The following ABCC1 variants were observed in gnomAD, a reference collection of about 807,000 sequenced individuals.
ABCC1 encodes ATP binding cassette subfamily C member 1 (ABCC1 blood group).
Under a neutral mutation model 172.9 loss-of-function variants are expected in ABCC1, and 83 were observed. The observed-to-expected ratio is 0.48, with a 90% confidence interval of 0.40 to 0.58. The LOEUF (loss-of-function observed/expected upper bound fraction) is 0.58. ABCC1 is among the 20% of genes least tolerant of loss of function. The probability of loss-of-function intolerance (pLI) is 0.00; values close to 1 mark genes in which losing one functional copy is unlikely to be tolerated. For missense variants in ABCC1, 1,817 were observed against 2,002.7 expected, an observed-to-expected ratio of 0.91 and a Z score of 1.77; for synonymous variants, 937 against 825.2, an observed-to-expected ratio of 1.14 and a Z score of -2.32.
In ABCC1 at chr16:16,033,083, C is replaced by T. The variant is rs753921642; in HGVS notation, c.616-26C>T. On this transcript the variant is annotated intron_variant, in intron 5 of 30. Coordinates refer to ENST00000399410, the MANE Select transcript of ABCC1 (RefSeq NM_004996.4). ...CAAATCATTCCTTTCCCTCTTCCTC[C>T]CAAACCTGTGCTTTCTTTCCACTAG... 5.6e-6 allele frequency: 9 copies of T among 1,611,926 alleles called. No individual in the cohort carries two copies. In the East Asian group the frequency reaches 1.8e-4, roughly 32 times the overall value.
chr16:16,004,008 GTGGATGGATGAATTGGTGGATGGA>G (rs2047424840), intron 1 of ABCC1, among the ~76,000 whole-genome samples: 1 of 59,800 alleles, frequency 1.7e-5, no homozygotes, highest in South Asian at 4.7e-4. Flanking sequence ...TGGTGGGTGG[GTGGATGGATGAATTGGTGGATGGA>G]TGGATGGATG....
At chr16:16,079,736 A>G (rs1412855396) in intron 16 of ABCC1, among the ~76,000 whole-genome samples, 1 of 151,978 alleles carries the variant, frequency 6.6e-6, no homozygotes, top group Non-Finnish European at 1.5e-5. Flanking sequence ...TGCCCAGTAT[A>G]TAGTAGGCAC....
chr16:16,122,481 C>T (rs1216342524), intron 24 of ABCC1, among the ~76,000 whole-genome samples: 2 of 150,956 alleles, frequency 1.3e-5, no homozygotes, highest in Non-Finnish European at 3.0e-5. Context: ...ACCGACTCTG[C>T]TATTGAGTAT....
chr16:15,969,024 A>G (rs1310973565), intron 1 of ABCC1, among the ~76,000 whole-genome samples: 7 of 152,086 alleles, frequency 4.6e-5, no homozygotes, highest in Non-Finnish European at 4.4e-5. Context: ...GCTGTCCAAC[A>G]TGGTGAAACT....
intron 5 of ABCC1, among the ~76,000 whole-genome samples, chr16:16,027,552 C>T (rs1328194925): frequency 2.0e-5 from 3 of 152,072 alleles, no homozygotes; most frequent in Non-Finnish European, 4.4e-5. Context: ...GTGGTTCATG[C>T]CTATAATCCC....
At chr16:16,053,839 A>C (rs1243141071) in intron 11 of ABCC1, among the ~76,000 whole-genome samples, 1 of 149,634 alleles carries the variant, frequency 6.7e-6, no homozygotes, top group Non-Finnish European at 1.5e-5. Flanking sequence ...AAAGTACATA[A>C]ATTAAAAGGG....
chr16:16,115,133 G>A, intron 23 of ABCC1, 57 bp downstream of exon 23: 1 of 1,535,488 alleles, frequency 6.5e-7, no homozygotes. Context: ...ATATACCAGT[G>A]TTACCTAAAG....
intron 1 of ABCC1, among the ~76,000 whole-genome samples, chr16:15,970,128 T>C (rs917304524): frequency 1.6e-4 from 25 of 152,154 alleles, no homozygotes; most frequent in Non-Finnish European, 3.1e-4. Context: ...ACCCCAAATA[T>C]AGTGGGTTAA....
At chr16:16,097,027 G>T (rs2051510363) in intron 19 of ABCC1, among the ~76,000 whole-genome samples, 1 of 152,110 alleles carries the variant, frequency 6.6e-6, no homozygotes, top group Non-Finnish European at 1.5e-5. Context: ...ACTTATTGCT[G>T]CCTGGAGTAA....
intron 12 of ABCC1, among the ~76,000 whole-genome samples, chr16:16,065,161 G>A (rs961007968): frequency 3.9e-5 from 6 of 152,184 alleles, no homozygotes; most frequent in Non-Finnish European, 8.8e-5. Flanking sequence ...CGCCAAATGA[G>A]GTACAGGGAA....
rs1208722108 is a variant in ABCC1, at chr16:15,980,601, C to G, written c.49-27215C>G. ...TGAGAACAGCATGGAGGTAACTGCC[C>G]CCATGATTGAATTGTCTCTCACTGG... On this transcript the variant is annotated intron_variant, in intron 1 of 30. Coordinates refer to ENST00000399410, the MANE Select transcript of ABCC1 (RefSeq NM_004996.4). Among the ~76,000 whole-genome samples the G allele has an allele frequency of 2.0e-5, 3 of 152,188 alleles. No homozygotes were observed. In the South Asian group the frequency reaches 6.2e-4, roughly 32 times the overall value.
At chr16:16,094,258 G>T in intron 19 of ABCC1, 1 of 268,600 alleles carries the variant, frequency 3.7e-6, no homozygotes, top group South Asian at 4.2e-5. Flanking sequence ...TCAAGGACCA[G>T]AGAATCTGCA....
intron 4 of ABCC1, among the ~76,000 whole-genome samples, chr16:16,015,159 G>A (rs1454979864): frequency 9.5e-6 from 1 of 104,832 alleles, no homozygotes; most frequent in African/African-American, 3.8e-5. Flanking sequence ...TGCTGTTGTT[G>A]AGGCGGAGTC....
chr16:15,999,195 CAG>C (rs2047159925), intron 1 of ABCC1, among the ~76,000 whole-genome samples: 1 of 151,984 alleles, frequency 6.6e-6, no homozygotes, highest in African/African-American at 2.4e-5. Flanking sequence ...TTAGTAGAGA[CAG>C]GGTTTCACCG....
In ABCC1 at chr16:16,136,614, A is replaced by T. The variant is rs770501723; in HGVS notation, c.4262A>T (p.His1421Leu). Residue 1421 changes from histidine (H) to leucine (L), a missense_variant, in exon 29 of 31, where the codon CAT becomes CTT. His to Leu is a moderately conservative substitution (Grantham distance 99). This residue lies in a region of ABCC1 where 1,412 missense variants were observed against 1,600.3 expected (regional missense o/e 0.88). Coordinates refer to ENST00000399410, the MANE Select transcript of ABCC1 (RefSeq NM_004996.4). ...TCAGCCCTTCCTGACAAGCTAGACCATGAATGTGCAGAAGGCGGGGAGAAC... is the reference window on the plus strand; with the variant it reads ...TCAGCCCTTCCTGACAAGCTAGACCTTGAATGTGCAGAAGGCGGGGAGAAC... The part of the protein sequence containing the change: ...FVSALPDKLD[H>L]ECAEGGENLS... 6.2e-7 allele frequency: 1 copy of T among 1,614,162 alleles called. No homozygotes were observed. The highest frequency in any genetic ancestry group is 1.1e-5 in the South Asian group (1 of 91,074).
At chr16:16,089,951 C>T (rs566888660) in intron 18 of ABCC1, among the ~76,000 whole-genome samples, 1 of 151,746 alleles carries the variant, frequency 6.6e-6, no homozygotes, top group Non-Finnish European at 1.5e-5. Flanking sequence ...CCTTTACACA[C>T]TTGTATGGTT....
chr16:15,951,552 G>C (rs1376849127), intron 1 of ABCC1, among the ~76,000 whole-genome samples: 1 of 152,172 alleles, frequency 6.6e-6, no homozygotes, highest in Non-Finnish European at 1.5e-5. Context: ...TATTTCTGCT[G>C]TCTGGATTCC....
At position 16,045,495 on chromosome 16, in the gene ABCC1, C is replaced by G. The variant is rs534647432; in HGVS notation, c.1041-341C>G. 3.6e-4 allele frequency among the ~76,000 whole-genome samples: 54 copies of G among 152,024 alleles called. No homozygotes were observed. The South Asian group carries it at 0.011, about 31-fold the overall frequency. ...GAAGTTGCCTCTCTCCTACCTGGCT[C>G]TCTGCTGCTCTGTGACTCAGGGGCT... On this transcript the variant is annotated intron_variant, in intron 8 of 30. Coordinates refer to ENST00000399410, the MANE Select transcript of ABCC1 (RefSeq NM_004996.4).
chr16:16,100,810 T>A (rs2051706000), intron 19 of ABCC1, among the ~76,000 whole-genome samples: 1 of 152,132 alleles, frequency 6.6e-6, no homozygotes, highest in Admixed American at 6.5e-5. Flanking sequence ...GCTGTTCCTG[T>A]TTTGCAGATG....
Sources: gnomAD v4.1 joint callset for allele counts (sites outside exome capture counted in the v4.1 genomes callset) on GRCh38, gnomAD v4.1.1 for gene constraint, gnomAD v4.1.1 regional missense constraint, MANE v1.5 for transcripts, NCBI Gene and HGNC (gene_info 2026-07-23, HGNC 2026-07-21) for gene names.